Variants in POU5F1B observed in about 807,000 individuals in gnomAD.
POU5F1B encodes POU domain, class 5, transcription factor 1B.
A neutral mutation model predicts 28.1 loss-of-function variants in POU5F1B; 24 were observed. The ratio of observed to expected loss-of-function variants is 0.85; its 90% CI spans 0.62 to 1.20. POU5F1B has a LOEUF of 1.20. POU5F1B is among the 50% of genes most tolerant of loss of function. The pLI, the probability that POU5F1B is intolerant of heterozygous loss-of-function variation, is 0.00. For missense variants in POU5F1B, 451 were observed against 451.5 expected (o/e 1.00, Z 0.01); for synonymous variants, 220 against 193.2 (o/e 1.14, Z -1.15).
At chr8:127,417,218 A>AAGAAC (rs201967038) in exon 3 of POU5F1B, 3 of 347,710 alleles carry the variant, frequency 8.6e-6, no homozygotes, top group Non-Finnish European at 1.6e-5. Context: ...AAAGAAAGAA[A>AAGAAC]AGAAAAGTAA....
In POU5F1B at chr8:127,417,206, A is replaced by AG. The variant is rs1473216454; in HGVS notation, c.*260_*261insG. 5.4e-5 allele frequency: 16 copies of AG among 295,058 alleles called. No individual in the cohort carries two copies. The African/African-American group carries it at 6.9e-4, about 13-fold the overall frequency. 18.3% of individuals were successfully genotyped at this position (295,058 alleles called of 1,614,324 possible). A position where few individuals can be genotyped will look rare whatever the true frequency, so the allele number is the denominator to read the frequency against. ...GCCTGGGACACAGTAAAAAAAAAAA[A>AG]AAAAGAAAGAAAAGAAAAGTAACAT... On this transcript the variant is annotated 3_prime_UTR_variant, in exon 3 of 3. Coordinates refer to ENST00000465342, the Ensembl canonical transcript of POU5F1B.
At chr8:127,415,767 G>A in exon 3 of POU5F1B, 2 of 1,437,330 alleles carry the variant, frequency 1.4e-6, no homozygotes, top group Non-Finnish European at 1.8e-6. Flanking sequence ...TTGCTAGTGA[G>A]CGTATGACAC....
At chr8:127,416,785 G>A (rs536151237) in exon 3 of POU5F1B, 1 of 1,606,262 alleles carries the variant, frequency 6.2e-7, no homozygotes, top group Non-Finnish European at 8.5e-7. Context: ...TTTCTCAGGG[G>A]GACCAGTGTC....
exon 3 of POU5F1B, chr8:127,416,663 T>C (rs1815147307): frequency 2.5e-6 from 4 of 1,604,072 alleles, no homozygotes; most frequent in Non-Finnish European, 3.4e-6. Flanking sequence ...GCCCAGCAGC[T>C]TGGGCTCGAG....
At chr8:127,413,866 A>G (rs1372376742) in intron 1 of POU5F1B, among the ~76,000 whole-genome samples, 1 of 151,170 alleles carries the variant, frequency 6.6e-6, no homozygotes, top group Non-Finnish European at 1.5e-5. Context: ...GTACACACAC[A>G]CACACACACA....
chr8:127,414,671 G>A (rs1261581419), intron 1 of POU5F1B, among the ~76,000 whole-genome samples: 1 of 152,192 alleles, frequency 6.6e-6, no homozygotes, highest in Non-Finnish European at 1.5e-5. Flanking sequence ...TTGAGTGGCA[G>A]AGGCAAAAAC....
exon 3 of POU5F1B, chr8:127,417,209 A>G (rs969446054): frequency 1.4e-5 from 4 of 296,032 alleles, no homozygotes; most frequent in Non-Finnish European, 2.3e-5. Context: ...AAAAAAAAAA[A>G]AGAAAGAAAA....
exon 3 of POU5F1B, chr8:127,415,686 A>G: frequency 1.0e-6 from 1 of 1,002,078 alleles, no homozygotes. Flanking sequence ...ATTATGATTT[A>G]AAGAGATTAC....
chr8:127,415,715 A>G, exon 3 of POU5F1B: 1 of 1,273,854 alleles, frequency 7.9e-7, no homozygotes, highest in Non-Finnish European at 1.0e-6. Context: ...AGTTCCTAAC[A>G]CATTCAGTCA....
In POU5F1B at chr8:127,415,935, G is replaced by C. The variant is rs531267041; in HGVS notation, c.69G>C (p.Trp23Cys). 3.8e-6 allele frequency: 6 copies of C among 1,558,840 alleles called. No homozygotes were observed. The East Asian group carries it at 7.1e-5, about 18-fold the overall frequency. ...CAGGCGGTGGGGGTGATGGGCCATG[G>C]GGGGCGGAGCCGGGCTGGGTTGATC... Residue 23 changes from tryptophan (W) to cysteine (C), a missense_variant, in exon 3 of 3, where the codon TGG becomes TGC. Physicochemically the swap from Trp to Cys is radical, Grantham distance 215. Coordinates refer to ENST00000465342, the Ensembl canonical transcript of POU5F1B.
chr8:127,413,951 T>G (rs78098257), intron 1 of POU5F1B, among the ~76,000 whole-genome samples: 5,782 of 152,256 alleles, frequency 0.038, 158 homozygotes, highest in Non-Finnish European at 0.061. Context: ...GAACAGAAGT[T>G]AATGATAAAA....
exon 3 of POU5F1B, chr8:127,416,807 C>T (rs1177086920): frequency 1.9e-6 from 3 of 1,605,316 alleles, no homozygotes; most frequent in Non-Finnish European, 2.6e-6. Flanking sequence ...TTTCCTCCGG[C>T]CCCAGGGCCC....
chr8:127,415,735 G>A, exon 3 of POU5F1B: 2 of 1,371,936 alleles, frequency 1.5e-6, no homozygotes, highest in South Asian at 3.5e-5. Context: ...AACATTTAAT[G>A]ATGCTTCAGG....
chr8:127,416,717 G>C, exon 3 of POU5F1B: 7 of 1,609,558 alleles, frequency 4.3e-6, no homozygotes, highest in Non-Finnish European at 5.9e-6. Context: ...CGCCAGAAGG[G>C]CAAGCGATCA....
In POU5F1B at chr8:127,416,956, C is replaced by A. The variant is rs1815155633; in HGVS notation, c.*10C>A. 1 of 1,597,738 alleles carries A rather than the reference C, an allele frequency of 6.3e-7. No individual in the cohort carries two copies. The highest frequency in any genetic ancestry group is 1.3e-5 in the African/African-American group (1 of 74,834). On this transcript the variant is annotated 3_prime_UTR_variant, in exon 3 of 3. Transcript: ENST00000465342. ...CATGCATTCAAACTGAGGTGCCTGCCCTTCTAGGAATGGGGAACAGGGGAG... is the reference window on the plus strand; with the variant it reads ...CATGCATTCAAACTGAGGTGCCTGCACTTCTAGGAATGGGGAACAGGGGAG...
Position 127,415,441 on chromosome 8 carries a change from A to G in POU5F1B, c.-424-2A>G, listed in dbSNP as rs1395714219. Reference sequence around the variant, plus strand: ...GTAGAACCGTTTCCCCACAATCTGCAGGAAATAAGAATCAGAAAGAAGGAC... The same window carrying G: ...GTAGAACCGTTTCCCCACAATCTGCGGGAAATAAGAATCAGAAAGAAGGAC... On this transcript the variant is annotated splice_acceptor_variant, in intron 2 of 2. Transcript: ENST00000465342. LOFTEE classifies it low-confidence loss of function (5UTR_SPLICE). 6.2e-6 allele frequency: 1 copy of G among 161,630 alleles called. No individual in the cohort carries two copies. The highest frequency in any genetic ancestry group is 1.3e-5 in the Non-Finnish European group (1 of 74,648). 10.0% of individuals were successfully genotyped at this position (161,630 alleles called of 1,614,324 possible).
At chr8:127,414,855 G>T (rs951102068) in intron 1 of POU5F1B, 1 of 152,238 alleles carries the variant, frequency 6.6e-6, no homozygotes, top group Non-Finnish European at 1.5e-5. Flanking sequence ...CATAAAGAAC[G>T]CAGTGGCTTC....
rs551571407 is a variant in POU5F1B at position 127,416,585 on chromosome 8, G to C, written c.719G>C (p.Arg240Pro). ...AGAAAGCGAACCAGTATCGAGAACC[G>C]AGTGAGAGGCAACCTGGAGAATTTG... The change falls in exon 3 of 3, where the codon CGA becomes CCA. Residue 240 changes from arginine to proline, a missense_variant. By Grantham distance (103) the Arg-to-Pro change is moderately radical. Transcript: ENST00000465342. 6.2e-6 allele frequency: 10 copies of C among 1,603,092 alleles called. No homozygotes were observed. In the South Asian group the frequency reaches 1.1e-4, roughly 18 times the overall value.
chr8:127,416,351 A>C (rs764186958), exon 3 of POU5F1B: 2 of 1,611,922 alleles, frequency 1.2e-6, no homozygotes, highest in Non-Finnish European at 1.7e-6. Context: ...ACCCTGGGAT[A>C]TACACAGGCC....
Sources: gnomAD v4.1 joint callset for allele counts (sites outside exome capture counted in the v4.1 genomes callset) on GRCh38, gnomAD v4.1.1 for gene constraint, MANE v1.5 for transcripts, NCBI Gene and HGNC (gene_info 2026-07-23, HGNC 2026-07-21) for gene names.